The following PDE1C variants were observed in gnomAD, a reference collection of about 807,000 sequenced individuals.
PDE1C encodes phosphodiesterase 1C.
PDE1C carries 62 observed loss-of-function variants against 93.1 expected under a neutral mutation model. The observed-to-expected ratio is 0.67, with a 90% CI of 0.54 to 0.82. The LOEUF (loss-of-function observed/expected upper bound fraction) is 0.82, where lower values mean the gene tolerates loss of function less well. Among genes scored for constraint, PDE1C ranks in the 40% least tolerant of loss-of-function variants. The pLI, the probability that PDE1C is intolerant of heterozygous loss-of-function variation, is 0.00. For synonymous variants in PDE1C, 325 were observed against 310.1 expected, an observed-to-expected ratio of 1.05 and a Z score of -0.50; for missense variants, 742 against 884.6, an observed-to-expected ratio of 0.84 and a Z score of 2.04.
intron 3 of PDE1C, among the ~76,000 whole-genome samples, chr7:31,879,838 A>G (rs1262280286): frequency 6.6e-6 from 1 of 152,256 alleles, no homozygotes; most frequent in African/African-American, 2.4e-5. Context: ...CTAAAATAGC[A>G]TGTCATATTT....
intron 2 of PDE1C, among the ~76,000 whole-genome samples, chr7:32,048,353 A>G (rs1355422282): frequency 6.6e-6 from 1 of 152,166 alleles, no homozygotes; most frequent in Non-Finnish European, 1.5e-5. Flanking sequence ...GACCCAGGCC[A>G]TAATTAAGAG....
intron 3 of PDE1C, among the ~76,000 whole-genome samples, chr7:32,146,895 C>T (rs1280643190): frequency 6.6e-6 from 1 of 151,940 alleles, no homozygotes; most frequent in African/African-American, 2.4e-5. Context: ...TTGTTGTTCT[C>T]ATATATTGTT....
the PDE1C span, among the ~76,000 whole-genome samples, chr7:31,725,890 CT>C: frequency 3.9e-5 from 6 of 152,016 alleles, no homozygotes; most frequent in Admixed American, 3.9e-4. Flanking sequence ...TTACAGGTTA[CT>C]TTTTCTTACA....
intron 2 of PDE1C, among the ~76,000 whole-genome samples, chr7:31,950,626 G>A (rs1807238667): frequency 6.6e-6 from 1 of 152,138 alleles, no homozygotes. Flanking sequence ...TTATATGTCT[G>A]AAGGAGAGTT....
chr7:32,299,505 A>C, upstream of PDE1C: 1 of 805,552 alleles, frequency 1.2e-6, no homozygotes, highest in Non-Finnish European at 1.5e-6. Context: ...ACCATTCCAA[A>C]TAGCTTGTCC....
intron 3 of PDE1C, among the ~76,000 whole-genome samples, chr7:32,149,101 A>C (rs565413176): frequency 6.6e-6 from 1 of 152,286 alleles, no homozygotes; most frequent in Admixed American, 6.5e-5. Flanking sequence ...TAATCAACAA[A>C]TGTATGGAGA....
intron 1 of PDE1C, among the ~76,000 whole-genome samples, chr7:32,243,670 G>C (rs1264975856): frequency 6.6e-6 from 1 of 152,210 alleles, no homozygotes; most frequent in Non-Finnish European, 1.5e-5. Context: ...AGGTAGGTCA[G>C]GCAGGCCTGG....
intron 1 of PDE1C, among the ~76,000 whole-genome samples, chr7:32,317,928 T>C (rs1783208777): frequency 6.6e-6 from 1 of 152,184 alleles, no homozygotes; most frequent in African/African-American, 2.4e-5. Context: ...TAATGCACTT[T>C]CATACGTTAT....
chr7:31,962,156 T>A (rs1381102148), intron 2 of PDE1C, among the ~76,000 whole-genome samples: 29 of 152,204 alleles, frequency 1.9e-4, no homozygotes, highest in Admixed American at 1.9e-3. Flanking sequence ...AATACTTTGT[T>A]CCCACTGATC....
chr7:31,879,337 T>C (rs1796976151), intron 3 of PDE1C, 159 bp from the exon 4 acceptor site: 3 of 638,644 alleles, frequency 4.7e-6, no homozygotes, highest in Non-Finnish European at 8.0e-6. Flanking sequence ...GTAAGGCTTA[T>C]GTAAGCTCGC....
chr7:32,170,902 G>C (rs1434350976), intron 2 of PDE1C, among the ~76,000 whole-genome samples: 2 of 151,822 alleles, frequency 1.3e-5, no homozygotes, highest in Non-Finnish European at 2.9e-5. Flanking sequence ...CTCTCCACTG[G>C]GCCTAATCAC....
At chr7:31,866,795 G>A (rs191917621) in intron 6 of PDE1C, among the ~76,000 whole-genome samples, 2 of 152,228 alleles carry the variant, frequency 1.3e-5, no homozygotes, top group African/African-American at 4.8e-5. Flanking sequence ...TATCTCTCCA[G>A]CGAAAAGAAA....
intron 2 of PDE1C, among the ~76,000 whole-genome samples, chr7:32,015,736 CA>C (rs147622568): frequency 2.0e-5 from 3 of 150,644 alleles, no homozygotes; most frequent in East Asian, 1.9e-4. Context: ...AGGAAAACAC[CA>C]AAAAAAAGAT....
intron 1 of PDE1C, among the ~76,000 whole-genome samples, chr7:32,248,107 A>C (rs1809098903): frequency 6.6e-6 from 1 of 152,232 alleles, no homozygotes; most frequent in South Asian, 2.1e-4. Context: ...AGGCTTGGGC[A>C]GCTCAGATGA....
At chr7:31,780,933 G>A (rs1008543217) in intron 16 of PDE1C, among the ~76,000 whole-genome samples, 14 of 152,246 alleles carry the variant, frequency 9.2e-5, no homozygotes, top group Middle Eastern at 3.4e-3. Context: ...GGCCATTTAA[G>A]GAGTAAACAA....
intron 3 of PDE1C, among the ~76,000 whole-genome samples, chr7:32,109,240 A>G (rs1798512348): frequency 6.6e-6 from 1 of 152,226 alleles, no homozygotes; most frequent in Non-Finnish European, 1.5e-5. Context: ...GAAAATTTTA[A>G]AAAAGATTAT....
intron 2 of PDE1C, among the ~76,000 whole-genome samples, chr7:32,207,629 T>TC (rs397760238): frequency 3.9e-5 from 6 of 152,198 alleles, no homozygotes; most frequent in East Asian, 1.9e-4. Flanking sequence ...TCCTTTTTTT[T>TC]CCCTGTATCA....
intron 7 of PDE1C, among the ~76,000 whole-genome samples, chr7:31,858,031 T>A (rs1014765053): frequency 6.6e-6 from 1 of 152,070 alleles, no homozygotes; most frequent in African/African-American, 2.4e-5. Flanking sequence ...GTTGAGGACA[T>A]CTCTCAGGAG....
chr7:32,173,963 T>C (rs1417174735), intron 2 of PDE1C, among the ~76,000 whole-genome samples: 1 of 152,156 alleles, frequency 6.6e-6, no homozygotes, highest in Non-Finnish European at 1.5e-5. Flanking sequence ...AAACTGCTTG[T>C]GTCTATCAAG....
Sources: allele counts gnomAD v4.1 joint callset (sites outside exome capture counted in the v4.1 genomes callset), GRCh38; gene constraint gnomAD v4.1.1; transcripts MANE v1.5; gene names NCBI Gene and HGNC (gene_info 2026-07-23, HGNC 2026-07-21).